The following RFX3 variants were observed in gnomAD, a reference collection of about 807,000 sequenced individuals.
The protein encoded by RFX3 is regulatory factor X3.
RFX3 carries 14 observed loss-of-function variants against 98.6 expected under a neutral mutation model. That is an observed-to-expected ratio of 0.14 (90% CI 0.09 to 0.22). The LOEUF is 0.22. RFX3 is among the 10% of genes least tolerant of loss of function. The pLI is 1.00. For missense variants in RFX3, 639 were observed against 926.9 expected, an observed-to-expected ratio of 0.69 and a Z score of 4.03; for synonymous variants, 383 against 328.4, an observed-to-expected ratio of 1.17 and a Z score of -1.80.
At chr9:3,388,537 T>C (rs1361092890) in intron 2 of RFX3, among the ~76,000 whole-genome samples, 1 of 152,108 alleles carries the variant, frequency 6.6e-6, no homozygotes, top group Non-Finnish European at 1.5e-5. Context: ...TCTATTCCTT[T>C]TAATGACTCA....
intron 1 of RFX3, among the ~76,000 whole-genome samples, chr9:3,498,172 A>G (rs1851246304): frequency 1.3e-5 from 2 of 152,012 alleles, no homozygotes; most frequent in Non-Finnish European, 2.9e-5. Context: ...AAGGACACAA[A>G]GGAGAAATGT....
intron 2 of RFX3, among the ~76,000 whole-genome samples, chr9:3,374,096 A>G (rs1258935958): frequency 6.9e-6 from 1 of 144,394 alleles, no homozygotes; most frequent in Non-Finnish European, 1.5e-5. Flanking sequence ...ACGCGCGCAC[A>G]CACACACACA....
chr9:3,390,708 C>G (rs1840222305), intron 2 of RFX3, among the ~76,000 whole-genome samples: 1 of 152,126 alleles, frequency 6.6e-6, no homozygotes, highest in Admixed American at 6.6e-5. Flanking sequence ...TTTCCCTGCA[C>G]AAGCTCTCTC....
chr9:3,314,504 T>C (rs1253523156), intron 4 of RFX3, among the ~76,000 whole-genome samples: 1 of 152,004 alleles, frequency 6.6e-6, no homozygotes, highest in African/African-American at 2.4e-5. Flanking sequence ...AATGACAGGA[T>C]CAAATTCACA....
At chr9:3,446,588 GATA>G (rs1267348167) in intron 1 of RFX3, among the ~76,000 whole-genome samples, 5 of 151,286 alleles carry the variant, frequency 3.3e-5, no homozygotes, top group African/African-American at 1.2e-4. Context: ...TCCTTCTGCA[GATA>G]ATGAGACTTC....
intron 15 of RFX3, among the ~76,000 whole-genome samples, chr9:3,231,914 A>C (rs1223411722): frequency 6.6e-6 from 1 of 152,022 alleles, no homozygotes. Context: ...AAATATAAAA[A>C]TTAGCTGGGC....
intron 1 of RFX3, among the ~76,000 whole-genome samples, chr9:3,456,172 G>A (rs954907735): frequency 6.6e-5 from 10 of 152,152 alleles, no homozygotes; most frequent in Non-Finnish European, 4.4e-5. Flanking sequence ...TCCCATGCTC[G>A]AATAGTATCA....
At chr9:3,229,795 C>T (rs867036855) in intron 15 of RFX3, among the ~76,000 whole-genome samples, 11 of 152,320 alleles carry the variant, frequency 7.2e-5, no homozygotes, top group Middle Eastern at 3.4e-3. Flanking sequence ...ATTCTACTTA[C>T]ATTCAGAAGT....
Position 3,470,328 on chromosome 9 carries a change from T to C in RFX3, c.-9+55419A>G, listed in dbSNP as rs575378945. 2.1e-4 allele frequency among the ~76,000 whole-genome samples: 31 copies of C among 151,184 alleles called. 1 individual carries two copies. The Middle Eastern group carries it at 0.01, about 50-fold the overall frequency. ...CTTTTTTTCTTTTTCCTTTTTTTTT[T>C]TTTTGAGACGGAGTCTCACTCTGTC... On this transcript the variant is annotated intron_variant, in intron 1 of 16. Coordinates refer to ENST00000617270, the MANE Select transcript of RFX3 (RefSeq NM_001282116.2).
intron 9 of RFX3, among the ~76,000 whole-genome samples, chr9:3,273,621 T>G (rs1313439290): frequency 1.3e-5 from 2 of 152,074 alleles, no homozygotes; most frequent in African/African-American, 4.8e-5. Flanking sequence ...CCCAGCACTT[T>G]GGGAGGCTGA....
intron 1 of RFX3, among the ~76,000 whole-genome samples, chr9:3,511,270 C>T (rs936069964): frequency 2.6e-5 from 4 of 151,862 alleles, no homozygotes; most frequent in African/African-American, 9.7e-5. Flanking sequence ...TATTAAAATG[C>T]CATTAATCAC....
chr9:3,402,849 T>C (rs758168193), intron 1 of RFX3, among the ~76,000 whole-genome samples: 2 of 151,854 alleles, frequency 1.3e-5, no homozygotes, highest in East Asian at 3.9e-4. Context: ...ATAAATTTAG[T>C]ACAAAATGTA....
chr9:3,438,643 T>C (rs1005888229), intron 1 of RFX3, among the ~76,000 whole-genome samples: 4 of 151,964 alleles, frequency 2.6e-5, no homozygotes, highest in Non-Finnish European at 4.4e-5. Flanking sequence ...CTGTGAGAAA[T>C]ATACATTAAA....
At chr9:3,272,867 C>T (rs1419123227) in intron 9 of RFX3, among the ~76,000 whole-genome samples, 1 of 152,004 alleles carries the variant, frequency 6.6e-6, no homozygotes, top group Non-Finnish European at 1.5e-5. Flanking sequence ...TGTGAGAATT[C>T]CCAATAACAG....
chr9:3,244,445 T>C (rs138793122), intron 15 of RFX3, among the ~76,000 whole-genome samples: 2 of 152,188 alleles, frequency 1.3e-5, no homozygotes, highest in African/African-American at 4.8e-5. Context: ...CACTTGAAAT[T>C]TTGACTTTTT....
chr9:3,519,528 T>C (rs899306155), intron 1 of RFX3, among the ~76,000 whole-genome samples: 24 of 152,218 alleles, frequency 1.6e-4, no homozygotes, highest in African/African-American at 5.5e-4. Context: ...TTGTGTCAAA[T>C]ACTGAGCAAA....
At chr9:3,394,567 A>G (rs968768083) in intron 2 of RFX3, among the ~76,000 whole-genome samples, 2 of 152,216 alleles carry the variant, frequency 1.3e-5, no homozygotes, top group African/African-American at 4.8e-5. Context: ...GCCCAACCCA[A>G]TTCTATATCC....
At chr9:3,245,431 A>G (rs1820533807) in intron 15 of RFX3, among the ~76,000 whole-genome samples, 1 of 152,108 alleles carries the variant, frequency 6.6e-6, no homozygotes, top group African/African-American at 2.4e-5. Context: ...AGATCATGCA[A>G]GAGCTCATGT....
At chr9:3,228,677 G>C (rs1003883595) in intron 16 of RFX3, among the ~76,000 whole-genome samples, 170 bp downstream of exon 16, 4 of 152,062 alleles carry the variant, frequency 2.6e-5, no homozygotes, top group African/African-American at 9.7e-5. Flanking sequence ...GAAGGCATAG[G>C]GATGGGGAAA....
Sources: allele counts gnomAD v4.1 joint callset (sites outside exome capture counted in the v4.1 genomes callset), GRCh38; gene constraint gnomAD v4.1.1; transcripts MANE v1.5; gene names NCBI Gene and HGNC (gene_info 2026-07-23, HGNC 2026-07-21).